The following SLC9B2 variants were observed in gnomAD, a reference collection of about 807,000 sequenced individuals.
The protein encoded by SLC9B2 is solute carrier family 9 member B2.
A neutral mutation model predicts 52.2 loss-of-function variants in SLC9B2; 39 were observed. That is an observed-to-expected ratio of 0.75 (90% CI 0.58 to 0.98). The LOEUF (loss-of-function observed/expected upper bound fraction) is 0.98. Among genes scored for constraint, SLC9B2 ranks in the 50% least tolerant of loss-of-function variants. The pLI is 0.00. For missense variants in SLC9B2, 626 were observed against 637.5 expected, an observed-to-expected ratio of 0.98 and a Z score of 0.19; for synonymous variants, 214 against 227.0, an observed-to-expected ratio of 0.94 and a Z score of 0.51.
chr4:103,051,548 G>C (rs1744687659), intron 4 of SLC9B2, among the ~76,000 whole-genome samples: 1 of 152,122 alleles, frequency 6.6e-6, no homozygotes, highest in South Asian at 2.1e-4. Context: ...AATGTTTATT[G>C]GGCAACAATA....
rs940041766 is a variant in SLC9B2 at position 103,022,992 on chromosome 4, A to G, written c.*3378T>C. On this transcript the variant is annotated 3_prime_UTR_variant, in exon 12 of 12. Coordinates refer to ENST00000394785, the MANE Select transcript of SLC9B2 (RefSeq NM_178833.7). ...AGAGAGACTTCACCAGAGCCCAACA[A>G]TGCTGGCATCCTGATCTCGAACTTC... 6.6e-6 allele frequency among the ~76,000 whole-genome samples: 1 copy of G among 152,206 alleles called. No individual in the cohort carries two copies. Among genetic ancestry groups the G allele is most frequent in the Non-Finnish European group, 1.5e-5 (1 of 68,028 alleles).
chr4:103,048,717 C>T lies in SLC9B2; in HGVS notation c.713+176G>A, dbSNP rs149573816. ...AGTAGGTGCTAACTGTAAGAGTTAG[C>T]GCCTATTAACACATAAACTATGTTT... On this transcript the variant is annotated intron_variant, in intron 6 of 11. Transcript: ENST00000394785. The T allele has an allele frequency of 1.4e-3, 1,086 of 757,498 alleles. 2 individuals carry two copies. Among genetic ancestry groups the T allele is most frequent in the Non-Finnish European group, 1.8e-3 (907 of 505,126 alleles). The allele number at this position is 757,498 out of a possible 1,614,324, so 46.9% of individuals were successfully genotyped here. A position where few individuals can be genotyped will look rare whatever the true frequency, so the allele number is the denominator to read the frequency against.
At position 103,063,884 on chromosome 4, in the gene SLC9B2, C is replaced by G. The variant is rs547991258; in HGVS notation, c.271+2443G>C. On this transcript the variant is annotated intron_variant, in intron 3 of 11. Coordinates refer to ENST00000394785, the MANE Select transcript of SLC9B2 (RefSeq NM_178833.7). ...AATCCAATTTAAAATGGGCAAAGACCTGAATTTTTCAAAAGAAGACATACA... is the reference window on the plus strand; with the variant it reads ...AATCCAATTTAAAATGGGCAAAGACGTGAATTTTTCAAAAGAAGACATACA... Among the ~76,000 whole-genome samples the G allele has an allele frequency of 3.9e-5, 6 of 152,164 alleles. No individual in the cohort carries two copies. In the East Asian group the frequency reaches 1.2e-3, roughly 29 times the overall value.
chr4:103,041,133 T>C (rs567481735), intron 9 of SLC9B2, among the ~76,000 whole-genome samples: 6 of 152,290 alleles, frequency 3.9e-5, no homozygotes, highest in Middle Eastern at 3.4e-3. Context: ...CTGTTAGGAA[T>C]ATTCCTTAAG....
rs750197509 is a variant in SLC9B2 at position 103,043,427 on chromosome 4, T to C, written c.1015A>G (p.Arg339Gly). The change falls in exon 9 of 12, where the codon AGA (arginine) becomes GGA (glycine). Residue 339 changes from arginine (R) to glycine (G), a missense_variant. Physicochemically the swap from Arg to Gly is moderately radical, Grantham distance 125. Coordinates refer to ENST00000394785, the MANE Select transcript of SLC9B2 (RefSeq NM_178833.7). ...SRDQDKLVCKRTFLVLGLSVL... is the reference protein window; with the variant it reads ...SRDQDKLVCKGTFLVLGLSVL... ...GACAACCCCAACACAAGGAATGTTC[T>C]CTTACACACAAGTTTGTCCTTTAGG... 6.2e-7 allele frequency: 1 copy of C among 1,607,496 alleles called. No homozygotes were observed. The highest frequency in any genetic ancestry group is 8.5e-7 in the Non-Finnish European group (1 of 1,178,028).
downstream of SLC9B2, chr4:103,020,525 G>T (rs1741710286): frequency 3.5e-6 from 1 of 288,614 alleles, no homozygotes; most frequent in African/African-American, 2.3e-5. Flanking sequence ...GCCTCAGTGC[G>T]TTCTGTAAAG....
At chr4:103,041,117 A>C (rs555561646) in intron 9 of SLC9B2, among the ~76,000 whole-genome samples, 12 of 152,258 alleles carry the variant, frequency 7.9e-5, no homozygotes, top group African/African-American at 2.6e-4. Context: ...TCACCCCCAA[A>C]TTTTACTGTT....
At chr4:103,019,414 T>A (rs1741620065), downstream of SLC9B2, among the ~76,000 whole-genome samples, 1 of 150,590 alleles carries the variant, frequency 6.6e-6, no homozygotes, top group African/African-American at 2.4e-5. Flanking sequence ...AGGAAAGGAG[T>A]CACGGAGAGG....
At chr4:103,048,614 A>C in intron 6 of SLC9B2, 1 of 274,710 alleles carries the variant, frequency 3.6e-6, no homozygotes, top group Non-Finnish European at 7.1e-6. Context: ...TGCAGACGTT[A>C]GGTGGAATCC....
intron 4 of SLC9B2, among the ~76,000 whole-genome samples, chr4:103,054,866 G>C (rs1049894002): frequency 6.6e-6 from 1 of 152,140 alleles, no homozygotes; most frequent in Non-Finnish European, 1.5e-5. Flanking sequence ...AATACCATTT[G>C]ACCCAGCCAT....
intron 1 of SLC9B2, among the ~76,000 whole-genome samples, chr4:103,074,502 A>C (rs1375008069): frequency 6.6e-6 from 1 of 152,210 alleles, no homozygotes; most frequent in African/African-American, 2.4e-5. Context: ...TACAGTGCAA[A>C]ATCATCATAG....
At chr4:103,058,830 G>A (rs1226471736) in intron 3 of SLC9B2, among the ~76,000 whole-genome samples, 5 of 152,002 alleles carry the variant, frequency 3.3e-5, no homozygotes, top group Non-Finnish European at 7.4e-5. Flanking sequence ...AGGAGGTCAA[G>A]GCAGGAGGAT....
chr4:103,052,525 G>A (rs1239365310), intron 4 of SLC9B2, among the ~76,000 whole-genome samples: 4 of 152,124 alleles, frequency 2.6e-5, no homozygotes, highest in African/African-American at 4.8e-5. Context: ...TAGCTTAACA[G>A]CCAAAAATAC....
At chr4:103,019,612 C>G (rs2110554198), downstream of SLC9B2, 4 of 985,474 alleles carry the variant, frequency 4.1e-6, no homozygotes, top group Non-Finnish European at 4.8e-6. Context: ...CAACTTCTTT[C>G]GCAGCCCTCG....
chr4:103,046,525 C>A (rs1744135897), intron 7 of SLC9B2, among the ~76,000 whole-genome samples: 1 of 152,114 alleles, frequency 6.6e-6, no homozygotes, highest in African/African-American at 2.4e-5. Context: ...CCATTAAAAT[C>A]ATTGCTGTTA....
At chr4:103,043,187 C>A (rs1743783335) in intron 9 of SLC9B2, 109 bp downstream of exon 9, 1 of 1,221,238 alleles carries the variant, frequency 8.2e-7, no homozygotes. Context: ...ATTAAGATAG[C>A]TTTTATAATG....
At chr4:103,072,388 T>A (rs974578966) in intron 1 of SLC9B2, among the ~76,000 whole-genome samples, 1 of 152,176 alleles carries the variant, frequency 6.6e-6, no homozygotes, top group African/African-American at 2.4e-5. Flanking sequence ...CAAATATCTT[T>A]CATCAAATGA....
chr4:103,070,873 T>C (rs1746554666), intron 1 of SLC9B2, among the ~76,000 whole-genome samples: 4 of 152,072 alleles, frequency 2.6e-5, no homozygotes, highest in African/African-American at 9.7e-5. Flanking sequence ...TAGTGACTGA[T>C]GACAGTGAAA....
Position 103,063,929 on chromosome 4 carries a change from G to A in SLC9B2, c.271+2398C>T, listed in dbSNP as rs573502899. 8.5e-5 allele frequency among the ~76,000 whole-genome samples: 13 copies of A among 152,252 alleles called. No individual in the cohort carries two copies. The South Asian group carries it at 2.7e-3, about 32-fold the overall frequency. On this transcript the variant is annotated intron_variant, in intron 3 of 11. Transcript: ENST00000394785. ...CATACAAATGGCCAAACAGGTATAG[G>A]AAAAAATGTTCAACATTTCACCTCA...
Sources: allele counts gnomAD v4.1 joint callset (sites outside exome capture counted in the v4.1 genomes callset), GRCh38; gene constraint gnomAD v4.1.1; transcripts MANE v1.5; gene names NCBI Gene and HGNC (gene_info 2026-07-23, HGNC 2026-07-21).